UBE2Q1: variants seen among roughly 807,000 people sequenced by gnomAD.
UBE2Q1 encodes ubiquitin conjugating enzyme E2 Q1, also known as ubiquitin-conjugating enzyme E2 Q1.
In UBE2Q1, 6 loss-of-function variants were observed where a neutral mutation model predicts 60.1. The observed-to-expected ratio is 0.10, with a 90% confidence interval of 0.05 to 0.20. The LOEUF is 0.20. UBE2Q1 is among the 10% of genes least tolerant of loss of function. UBE2Q1 has a pLI of 1.00. For missense variants in UBE2Q1, 262 were observed against 525.8 expected (o/e 0.50, Z 4.91); for synonymous variants, 226 against 208.3 (o/e 1.09, Z -0.73).
In UBE2Q1 at chr1:154,550,486, T is replaced by C; in HGVS notation, c.1238-17A>G. Reference sequence around the variant, plus strand: ...TGTACCAGCCTGCAAAGAAATGGAATGGTCAGTGAGGTGAAGGTTCAGGCC... The same window carrying C: ...TGTACCAGCCTGCAAAGAAATGGAACGGTCAGTGAGGTGAAGGTTCAGGCC... On this transcript the variant is annotated splice_polypyrimidine_tract_variant and intron_variant, in intron 12 of 12. Coordinates refer to ENST00000292211, the MANE Select transcript of UBE2Q1 (RefSeq NM_017582.7). The C allele has an allele frequency of 1.9e-6, 3 of 1,613,828 alleles. No homozygotes were observed. The highest frequency in any genetic ancestry group is 2.2e-5 in the East Asian group (1 of 44,880).
Position 154,558,424 on chromosome 1 carries a change from C to G in UBE2Q1, c.130G>C (p.Glu44Gln). 1 of 1,509,304 alleles carries G rather than the reference C, an allele frequency of 6.6e-7. No homozygotes were observed. The highest frequency in any genetic ancestry group is 8.8e-7 in the Non-Finnish European group (1 of 1,132,580). 93.5% of individuals were successfully genotyped at this position (1,509,304 alleles called of 1,614,324 possible). Reference protein sequence around the residue: ...GPGPGPCLRRELKLLESIFHR... With the variant: ...GPGPGPCLRRQLKLLESIFHR... ...AAGATGGACTCGAGCAGCTTCAGCT[C>G]TCGCCTCAGGCAGGGCCCCGGCCCC... Residue 44 changes from glutamate (E) to glutamine (Q), a missense_variant, in exon 1 of 13, where the codon GAG becomes CAG. Glu to Gln is a conservative substitution (Grantham distance 29). Coordinates refer to ENST00000292211, the MANE Select transcript of UBE2Q1 (RefSeq NM_017582.7).
At position 154,558,456 on chromosome 1, in the gene UBE2Q1, C is replaced by T; in HGVS notation, c.98G>A (p.Gly33Glu). Residue 33 changes from glycine (G) to glutamate (E), a missense_variant, in exon 1 of 13, where the codon GGG becomes GAG. Gly to Glu is a moderately conservative substitution (Grantham distance 98, BLOSUM62 -2). Coordinates refer to ENST00000292211, the MANE Select transcript of UBE2Q1 (RefSeq NM_017582.7). Reference sequence around the variant, plus strand: ...CAGGCAGGGCCCCGGCCCCGGGCCCCCCCCTGGGCCGCCCCCGGCCCCCGG... The same window carrying T: ...CAGGCAGGGCCCCGGCCCCGGGCCCTCCCCTGGGCCGCCCCCGGCCCCCGG... ...AAPGAGGGPGGGPGPGPCLRR... is the reference protein window; with the variant it reads ...AAPGAGGGPGEGPGPGPCLRR... 7.2e-7 allele frequency: 1 copy of T among 1,387,304 alleles called. No homozygotes were observed. 85.9% of individuals were successfully genotyped at this position (1,387,304 alleles called of 1,614,324 possible). A position where few individuals can be genotyped will look rare whatever the true frequency, so the allele number is the denominator to read the frequency against.
chr1:154,552,543 CTG>C, intron 6 of UBE2Q1, 79 bp from the exon 7 acceptor site: 1 of 1,556,346 alleles, frequency 6.4e-7, no homozygotes, highest in Non-Finnish European at 8.8e-7. Context: ...CTTTCCCAGA[CTG>C]AGAGAAAAAG....
At chr1:154,552,894 C>A in intron 5 of UBE2Q1, 74 bp from the exon 6 acceptor site, 1 of 1,594,478 alleles carries the variant, frequency 6.3e-7, no homozygotes, top group South Asian at 1.1e-5. Flanking sequence ...TAGGGGCAGT[C>A]TGGCAGCTTG....
At position 154,558,503 on chromosome 1, in the gene UBE2Q1, C is replaced by T; in HGVS notation, c.51G>A (p.Gln17=). Residue 17 remains glutamine (Q), a synonymous_variant, in exon 1 of 13, where the codon CAG becomes CAA. Transcript: ENST00000292211. ...CCGGCGCCGCCCCCTGGCCCCCCAG[C>T]TGCTGCCCCGGCCCCGGCTGCTGCT... The part of the protein sequence containing the change: ...QGQQQPGPGQ[Q]LGGQGAAPGA... The T allele has an allele frequency of 5.1e-6, 6 of 1,181,904 alleles. No homozygotes were observed. Among genetic ancestry groups the T allele is most frequent in the Non-Finnish European group, 6.2e-6 (6 of 963,958 alleles). 73.2% of individuals were successfully genotyped at this position (1,181,904 alleles called of 1,614,324 possible).
intron 12 of UBE2Q1, 198 bp downstream of exon 12, chr1:154,550,740 G>C: frequency 1.0e-6 from 1 of 985,380 alleles, no homozygotes; most frequent in Non-Finnish European, 1.2e-6. Context: ...TCGGTGATAC[G>C]ATCATTTTGG....
At chr1:154,555,569 C>G in intron 2 of UBE2Q1, 37 bp from the exon 3 acceptor site, 1 of 1,582,826 alleles carries the variant, frequency 6.3e-7, no homozygotes, top group Non-Finnish European at 8.7e-7. Flanking sequence ...CAAATCCTTC[C>G]CCACTCCGAT....
chr1:154,553,089 T>C lies in UBE2Q1; in HGVS notation c.672A>G (p.Lys224=). The C allele has an allele frequency of 6.2e-7, 1 of 1,614,160 alleles. No homozygotes were observed. The highest frequency in any genetic ancestry group is 8.5e-7 in the Non-Finnish European group (1 of 1,180,048). Residue 224 remains lysine (K), a synonymous_variant, in exon 5 of 13, where the codon AAA becomes AAG. Coordinates refer to ENST00000292211, the MANE Select transcript of UBE2Q1 (RefSeq NM_017582.7). The part of the protein sequence containing the change: ...GKKSEDDGIG[K]ENLAILEKIK... Reference sequence around the variant, plus strand: ...TTTTCTCTAGGATGGCCAAGTTTTCTTTTCCAATGCCATCATCTTCAGATT... The same window carrying C: ...TTTTCTCTAGGATGGCCAAGTTTTCCTTTCCAATGCCATCATCTTCAGATT...
intron 3 of UBE2Q1, 41 bp from the exon 4 acceptor site, chr1:154,554,826 G>A (rs1373199859): frequency 6.2e-7 from 1 of 1,606,426 alleles, no homozygotes; most frequent in Non-Finnish European, 8.5e-7. Context: ...GAGCCCCAGT[G>A]GCTTGCTAGA....
chr1:154,551,974 G>A lies in UBE2Q1; in HGVS notation c.972C>T (p.Asn324=). ...TGACAAATGGTGGGTCAAAGGGAAA[G>A]TTATCCTGAGAGAGAGAGAGACGAC... is the stretch of plus-strand genomic sequence containing the variant. ...FILLNFSFKD[N]FPFDPPFVRV... The change falls in exon 9 of 13, where the codon AAC becomes AAT. Residue 324 remains asparagine, a synonymous_variant. Transcript: ENST00000292211. 7 of 1,614,180 alleles carry A rather than the reference G, an allele frequency of 4.3e-6. No homozygotes were observed. Among genetic ancestry groups the A allele is most frequent in the Non-Finnish European group, 5.9e-6 (7 of 1,180,044 alleles).
intron 2 of UBE2Q1, 72 bp downstream of exon 2, chr1:154,555,788 C>T (rs1167743481): frequency 2.9e-6 from 4 of 1,388,464 alleles, no homozygotes; most frequent in Non-Finnish European, 4.1e-6. Flanking sequence ...TTTCAGGATC[C>T]CTTTCACAGG....
intron 1 of UBE2Q1, among the ~76,000 whole-genome samples, chr1:154,556,616 A>C (rs1316722033): frequency 6.6e-6 from 1 of 152,228 alleles, no homozygotes; most frequent in Non-Finnish European, 1.5e-5. Context: ...TGGGAGAAAG[A>C]AGCCTACGCT....
rs146040461 is a variant in UBE2Q1, at chr1:154,555,207, C to T, written c.537+221G>A. 2.0e-5 allele frequency among the ~76,000 whole-genome samples: 3 copies of T among 152,274 alleles called. No individual in the cohort carries two copies. In the East Asian group the frequency reaches 5.8e-4, roughly 29 times the overall value. On this transcript the variant is annotated intron_variant, in intron 3 of 12. Coordinates refer to ENST00000292211, the MANE Select transcript of UBE2Q1 (RefSeq NM_017582.7). Reference sequence around the variant, plus strand: ...CTCCCTTTCAACATCTGGGATGCTGCCCATGAGAATGAATTTTGATATCAG... The same window carrying T: ...CTCCCTTTCAACATCTGGGATGCTGTCCATGAGAATGAATTTTGATATCAG...
chr1:154,556,028 C>T, intron 1 of UBE2Q1, 64 bp from the exon 2 acceptor site: 2 of 1,436,646 alleles, frequency 1.4e-6, no homozygotes, highest in Non-Finnish European at 2.0e-6. Context: ...CAGATTTTGC[C>T]TGTCCTCTTC....
Position 154,552,481 on chromosome 1 carries a change from A to T in UBE2Q1, c.815-17T>A. 1.2e-6 allele frequency: 2 copies of T among 1,614,124 alleles called. No individual in the cohort carries two copies. Among genetic ancestry groups the T allele is most frequent in the Non-Finnish European group, 1.7e-6 (2 of 1,179,986 alleles). On this transcript the variant is annotated splice_polypyrimidine_tract_variant and intron_variant, in intron 6 of 12. Transcript: ENST00000292211. ...CATAGTTTCCTGGAAGGAGGGAAAA[A>T]ACAGGTGTTAGTAGAATGGTCCAGG...
intron 7 of UBE2Q1, 59 bp downstream of exon 7, chr1:154,552,345 C>T: frequency 6.2e-7 from 1 of 1,604,696 alleles, no homozygotes; most frequent in Admixed American, 1.7e-5. Flanking sequence ...GATCCCACCA[C>T]AGTAGCCCCA....
intron 4 of UBE2Q1, among the ~76,000 whole-genome samples, chr1:154,553,416 G>A (rs966633193): frequency 1.3e-5 from 2 of 152,226 alleles, no homozygotes; most frequent in African/African-American, 4.8e-5. Flanking sequence ...GAGCAGAGCT[G>A]CAGCTGAGAT....
At chr1:154,552,066 G>A (rs1177612352) in intron 8 of UBE2Q1, 27 bp downstream of exon 8, 17 of 1,614,046 alleles carry the variant, frequency 1.1e-5, no homozygotes, top group Non-Finnish European at 1.4e-5. Flanking sequence ...TAGGCCAGAG[G>A]GAGAGACTGG....
intron 1 of UBE2Q1, 78 bp from the exon 2 acceptor site, chr1:154,556,042 C>G (rs570034903): frequency 4.1e-5 from 53 of 1,295,832 alleles, no homozygotes; most frequent in South Asian, 3.9e-4. Context: ...CCTCTTCCCC[C>G]CAAGACTTCT....
Sources: allele counts gnomAD v4.1 joint callset (sites outside exome capture counted in the v4.1 genomes callset), GRCh38; gene constraint gnomAD v4.1.1; transcripts MANE v1.5; gene names NCBI Gene and HGNC (gene_info 2026-07-23, HGNC 2026-07-21).